UGT1A9: variants seen among roughly 807,000 people sequenced by gnomAD.
UGT1A9 encodes UDP glucuronosyltransferase family 1 member A9, also known as UDP-glucuronosyltransferase 1A9.
Under a neutral mutation model 45.0 loss-of-function variants are expected in UGT1A9, and 35 were observed. The ratio of observed to expected loss-of-function variants is 0.78; its 90% CI spans 0.59 to 1.03. The LOEUF is 1.03. Among genes scored for constraint, UGT1A9 ranks in the 50% least tolerant of loss-of-function variants. The probability of loss-of-function intolerance (pLI) is 0.00; values close to 1 mark genes in which losing one functional copy is unlikely to be tolerated. For missense variants in UGT1A9, 687 were observed against 666.6 expected (o/e 1.03, Z -0.34); for synonymous variants, 278 against 250.6 (o/e 1.11, Z -1.03).
intron 1 of UGT1A9, among the ~76,000 whole-genome samples, chr2:233,679,402 G>T (rs1216966194): frequency 1.3e-5 from 2 of 152,040 alleles, no homozygotes; most frequent in East Asian, 3.9e-4. Context: ...CAAGGCTTGA[G>T]GTTTGGCAGT....
intron 1 of UGT1A9, among the ~76,000 whole-genome samples, chr2:233,715,099 T>C (rs2076432380): frequency 6.6e-6 from 1 of 152,192 alleles, no homozygotes; most frequent in South Asian, 2.1e-4. Context: ...TTGGCCAGGC[T>C]GATCTCAAAT....
chr2:233,768,011 A>C lies in UGT1A9; in HGVS notation c.1075+75A>C, dbSNP rs1159299269. On this transcript the variant is annotated intron_variant, in intron 3 of 4. Coordinates refer to ENST00000354728, the MANE Select transcript of UGT1A9 (RefSeq NM_021027.3). ...AAATGGCTTAAGCACAGCTATTCTA[A>C]AGGATTGTTGAGCTTGAAAATATTA... 8 of 1,613,860 alleles carry C rather than the reference A, an allele frequency of 5.0e-6. No individual in the cohort carries two copies. In the East Asian group the frequency reaches 1.8e-4, roughly 36 times the overall value.
At chr2:233,758,342 G>C (rs956728370) in intron 1 of UGT1A9, among the ~76,000 whole-genome samples, 1 of 152,206 alleles carries the variant, frequency 6.6e-6, no homozygotes, top group African/African-American at 2.4e-5. Flanking sequence ...TGGAAGCTCT[G>C]CATGATGCAG....
In UGT1A9 at chr2:233,748,123, A is replaced by G. The variant is rs1228828484; in HGVS notation, c.856-18911A>G. On this transcript the variant is annotated intron_variant, in intron 1 of 4. Transcript: ENST00000354728. ...ATCCAATCAATGTTCCAGGCAAAAC[A>G]GTTTTTAAAAATTGTATTTACTTAC... The G allele has an allele frequency of 8.7e-6, 14 of 1,610,818 alleles. No individual in the cohort carries two copies. In the Admixed American group the frequency reaches 2.2e-4, roughly 25 times the overall value.
chr2:233,724,212 T>C (rs2077189500), intron 1 of UGT1A9, among the ~76,000 whole-genome samples: 1 of 120,802 alleles, frequency 8.3e-6, no homozygotes. Context: ...GCTGAGGGGC[T>C]CCTCACTTCC....
chr2:233,732,433 A>G (rs1308918063), intron 1 of UGT1A9, among the ~76,000 whole-genome samples: 1 of 152,164 alleles, frequency 6.6e-6, no homozygotes, highest in African/African-American at 2.4e-5. Flanking sequence ...TAGGATTTTT[A>G]TGGTTTTAGG....
At chr2:233,679,576 C>T (rs2074456739) in intron 1 of UGT1A9, among the ~76,000 whole-genome samples, 1 of 151,584 alleles carries the variant, frequency 6.6e-6, no homozygotes, top group African/African-American at 2.4e-5. Flanking sequence ...TTTGTTTTTT[C>T]CAGAATAGGG....
At chr2:233,702,414 A>AG (rs751016813) in intron 1 of UGT1A9, among the ~76,000 whole-genome samples, 11 of 152,192 alleles carry the variant, frequency 7.2e-5, no homozygotes, top group Non-Finnish European at 1.2e-4. Flanking sequence ...AAATAGAGAT[A>AG]GCGTTACTTC....
intron 1 of UGT1A9, among the ~76,000 whole-genome samples, chr2:233,745,386 T>C (rs765197385): frequency 3.3e-5 from 5 of 151,842 alleles, no homozygotes; most frequent in Non-Finnish European, 7.4e-5. Flanking sequence ...TTCACCTCCT[T>C]ATTCTCTTTT....
intron 1 of UGT1A9, among the ~76,000 whole-genome samples, chr2:233,687,326 C>T (rs1474310989): frequency 1.3e-5 from 2 of 152,066 alleles, no homozygotes; most frequent in South Asian, 2.1e-4. Context: ...ATGCAAGTTT[C>T]CCTTGAATGA....
chr2:233,767,849 G>A lies in UGT1A9; in HGVS notation c.988G>A (p.Val330Ile). ...ADALGKIPQT[V>I]LWRYTGTRPS... ...GTTCTGCTCTTTTTGCCCCTCCCAG[G>A]TCCTGTGGCGGTACACTGGAACCCG... The change falls in exon 3 of 5, where the codon GTC becomes ATC. Residue 330 changes from valine (V) to isoleucine (I), a missense_variant and splice_region_variant. Transcript: ENST00000354728. The A allele has an allele frequency of 1.2e-6, 2 of 1,613,920 alleles. No homozygotes were observed. The highest frequency in any genetic ancestry group is 1.7e-6 in the Non-Finnish European group (2 of 1,180,010).
chr2:233,699,226 C>T (rs367936374), intron 1 of UGT1A9, among the ~76,000 whole-genome samples: 5 of 152,180 alleles, frequency 3.3e-5, no homozygotes, highest in South Asian at 2.1e-4. Flanking sequence ...AAAACAAAAA[C>T]GAACTTTTGT....
chr2:233,700,192 T>C (rs895765902), intron 1 of UGT1A9, among the ~76,000 whole-genome samples: 1 of 152,232 alleles, frequency 6.6e-6, no homozygotes, highest in African/African-American at 2.4e-5. Context: ...AATCTCAGCC[T>C]TTGTTGGCTG....
intron 1 of UGT1A9, among the ~76,000 whole-genome samples, chr2:233,739,441 A>G (rs1691102531): frequency 6.6e-6 from 1 of 152,220 alleles, no homozygotes. Context: ...TTTACCCTGC[A>G]AAGCCACAGG....
intron 1 of UGT1A9, chr2:233,690,926 C>T (rs990494432): frequency 3.1e-5 from 32 of 1,021,698 alleles, no homozygotes; most frequent in Admixed American, 1.1e-4. Flanking sequence ...ATTTCTTCAG[C>T]TCCTTCCTCC....
chr2:233,713,633 G>A (rs1299341019), intron 1 of UGT1A9: 5 of 1,613,960 alleles, frequency 3.1e-6, no homozygotes, highest in Non-Finnish European at 2.5e-6. Context: ...TCAAGAACAT[G>A]CTCTACCCTC....
At chr2:233,745,413 T>G (rs902285196) in intron 1 of UGT1A9, among the ~76,000 whole-genome samples, 5 of 151,802 alleles carry the variant, frequency 3.3e-5, no homozygotes, top group East Asian at 3.8e-4. Flanking sequence ...TGGATTCTTT[T>G]CTTTGATAAA....
chr2:233,755,374 C>T (rs1205727870), intron 1 of UGT1A9: 2 of 355,400 alleles, frequency 5.6e-6, no homozygotes, highest in East Asian at 1.5e-4. Flanking sequence ...CCTGGAGGGC[C>T]GCCCCTTATG....
At chr2:233,714,867 TTCTA>T (rs1314617320) in intron 1 of UGT1A9, among the ~76,000 whole-genome samples, 2 of 151,200 alleles carry the variant, frequency 1.3e-5, no homozygotes, top group African/African-American at 4.9e-5. Flanking sequence ...AAAACTAAAA[TTCTA>T]TCTTTTAAAT....
Sources: gnomAD v4.1 joint callset for allele counts (sites outside exome capture counted in the v4.1 genomes callset) on GRCh38, gnomAD v4.1.1 for gene constraint, MANE v1.5 for transcripts, NCBI Gene and HGNC (gene_info 2026-07-23, HGNC 2026-07-21) for gene names.